Variants in RNF43 observed in about 807,000 individuals in gnomAD.
RNF43 encodes E3 ubiquitin-protein ligase RNF43.
A neutral mutation model predicts 78.4 loss-of-function variants in RNF43; 37 were observed. The ratio of observed to expected loss-of-function variants is 0.47; its 90% CI spans 0.36 to 0.62. The LOEUF is 0.62. RNF43 is among the 20% of genes least tolerant of loss of function. The probability of loss-of-function intolerance (pLI) is 0.00; values close to 1 mark genes in which losing one functional copy is unlikely to be tolerated. For synonymous variants in RNF43, 347 were observed against 395.0 expected, an observed-to-expected ratio of 0.88 and a Z score of 1.44; for missense variants, 774 against 1,007.9, an observed-to-expected ratio of 0.77 and a Z score of 3.14.
chr17:58,407,069 ATTT>A (rs35270032), intron 2 of RNF43, among the ~76,000 whole-genome samples: 238 of 74,178 alleles, frequency 3.2e-3, no homozygotes, highest in South Asian at 8.9e-3. Flanking sequence ...AGAGACCAGA[ATTT>A]TTTTTTTTTT....
At position 58,360,297 on chromosome 17, in the gene RNF43, G is replaced by C. The variant is rs1329558724; in HGVS notation, c.850-46C>G. On this transcript the variant is annotated intron_variant, in intron 7 of 9. Coordinates refer to ENST00000407977, the MANE Select transcript of RNF43 (RefSeq NM_017763.6). This position sits in a 1 kb window ranked among gnomAD's most constrained non-coding sequence, Gnocchi z 4.3. ...CAAACCAAAGGCTTCTGTAGCCATA[G>C]GAATTGCCAGGAATCAGGACATCCC... The C allele has an allele frequency of 7.0e-7, 1 of 1,430,398 alleles. No homozygotes were observed. Among genetic ancestry groups the C allele is most frequent in the Admixed American group, 1.7e-5 (1 of 59,314 alleles). The allele number at this position is 1,430,398 out of a possible 1,614,324, so 88.6% of individuals were successfully genotyped here. A position where few individuals can be genotyped will look rare whatever the true frequency, so the allele number is the denominator to read the frequency against.
At chr17:58,391,832 C>T (rs1390802592) in intron 2 of RNF43, among the ~76,000 whole-genome samples, 1 of 152,126 alleles carries the variant, frequency 6.6e-6, no homozygotes, top group Non-Finnish European at 1.5e-5. Context: ...GTCAGAGGAT[C>T]AGCATGAATT....
downstream of RNF43, chr17:58,353,602 T>G (rs1972613773): frequency 9.6e-6 from 2 of 207,974 alleles, no homozygotes; most frequent in Non-Finnish European, 2.0e-5. Flanking sequence ...TTTACTTCTC[T>G]TGATGTAGAA....
Position 58,357,719 on chromosome 17 carries a change from G to T in RNF43, c.2057C>A (p.Pro686His), listed in dbSNP as rs9652855. 6.2e-7 allele frequency: 1 copy of T among 1,611,518 alleles called. No individual in the cohort carries two copies. The highest frequency in any genetic ancestry group is 8.5e-7 in the Non-Finnish European group (1 of 1,178,622). Residue 686 changes from proline (P) to histidine (H), a missense_variant, in exon 9 of 10, where the codon CCC (proline) becomes CAC (histidine). By Grantham distance (77) the Pro-to-His change is moderately conservative. Coordinates refer to ENST00000407977, the MANE Select transcript of RNF43 (RefSeq NM_017763.6). The surrounding 1 kb of genome is among the most constrained non-coding windows in gnomAD (Gnocchi z 4.5). ...TGGGGACCAAGGATATGCCACACTG[G>T]GGGTGTAATGGGGAAAAATCTGGCA... ...PACQIFPHYT[P>H]SVAYPWSPEA... is the part of the protein sequence containing the mutation.
chr17:58,361,445 A>G (rs1281207793), intron 6 of RNF43, among the ~76,000 whole-genome samples: 2 of 152,062 alleles, frequency 1.3e-5, no homozygotes, highest in Non-Finnish European at 2.9e-5. Context: ...GAGCCTAACT[A>G]TTGCTCACCA....
At chr17:58,353,343 T>C (rs1314735794), downstream of RNF43, 1 of 207,840 alleles carries the variant, frequency 4.8e-6, no homozygotes, top group African/African-American at 2.3e-5. Flanking sequence ...AGTAGGCCCA[T>C]TTTATGGACT....
At chr17:58,404,233 C>A (rs1189271061) in intron 2 of RNF43, among the ~76,000 whole-genome samples, 1 of 152,082 alleles carries the variant, frequency 6.6e-6, no homozygotes, top group African/African-American at 2.4e-5. Context: ...TGATGTCCAA[C>A]AACTAAGGAC....
At chr17:58,385,698 C>T (rs556876894) in intron 2 of RNF43, among the ~76,000 whole-genome samples, 10 of 152,274 alleles carry the variant, frequency 6.6e-5, no homozygotes, top group East Asian at 1.9e-4. Flanking sequence ...ATCAAGGCCT[C>T]GGTGCTCTGT....
chr17:58,360,750 G>C lies in RNF43; in HGVS notation c.849+33C>G, dbSNP rs2143443939. Reference sequence around the variant, plus strand: ...CCCCCAGCTTCAATCTCCCCAGTCTGGTCATGGAGGTGAACCACAAGACCT... The same window carrying C: ...CCCCCAGCTTCAATCTCCCCAGTCTCGTCATGGAGGTGAACCACAAGACCT... On this transcript the variant is annotated intron_variant, in intron 7 of 9. Transcript: ENST00000407977. The surrounding 1 kb of genome is among the most constrained non-coding windows in gnomAD (Gnocchi z 4.3). 6.3e-7 allele frequency: 1 copy of C among 1,584,156 alleles called. No homozygotes were observed. Among genetic ancestry groups the C allele is most frequent in the African/African-American group, 1.3e-5 (1 of 74,276 alleles).
downstream of RNF43, chr17:58,353,595 A>ACTTCTCTT (rs1285825140): frequency 4.8e-6 from 1 of 207,596 alleles, no homozygotes; most frequent in African/African-American, 2.3e-5. Flanking sequence ...TAAATAATTT[A>ACTTCTCTT]CTTCTCTTGA....
intron 2 of RNF43, among the ~76,000 whole-genome samples, chr17:58,379,085 C>G (rs542886643): frequency 5.3e-5 from 8 of 152,198 alleles, no homozygotes; most frequent in Admixed American, 2.0e-4. Context: ...AGTCAACACC[C>G]AGTTAAAGGA....
At chr17:58,406,618 T>A (rs1410901465) in intron 2 of RNF43, among the ~76,000 whole-genome samples, 1 of 152,160 alleles carries the variant, frequency 6.6e-6, no homozygotes, top group Non-Finnish European at 1.5e-5. Flanking sequence ...ATCATCAATA[T>A]AATTCCAGGT....
chr17:58,400,347 T>TAA lies in RNF43; in HGVS notation c.252+14978_252+14979insTT, dbSNP rs1973771167. ...TAAAAATACAAACAGTCTTGCTTAG[T>TAA]TATGTTAAGCTGATGCCAAATTGAA... is the stretch of plus-strand genomic sequence containing the variant. On this transcript the variant is annotated intron_variant, in intron 2 of 9. Coordinates refer to ENST00000407977, the MANE Select transcript of RNF43 (RefSeq NM_017763.6). 2.0e-5 allele frequency among the ~76,000 whole-genome samples: 3 copies of TAA among 152,352 alleles called. No individual in the cohort carries two copies. The South Asian group carries it at 6.2e-4, about 32-fold the overall frequency.
intron 2 of RNF43, among the ~76,000 whole-genome samples, chr17:58,412,188 A>G (rs1314985284): frequency 6.6e-6 from 1 of 152,186 alleles, no homozygotes; most frequent in Non-Finnish European, 1.5e-5. Flanking sequence ...AGAGACAAAT[A>G]TTTTGGCAAA....
At chr17:58,396,134 AG>A (rs1973675153) in intron 2 of RNF43, among the ~76,000 whole-genome samples, 1 of 152,210 alleles carries the variant, frequency 6.6e-6, no homozygotes, top group Admixed American at 6.5e-5. Context: ...ATGACATAGG[AG>A]GGAACAGGCC....
intron 2 of RNF43, chr17:58,402,835 G>C (rs925972714): frequency 6.6e-6 from 1 of 152,166 alleles, no homozygotes; most frequent in African/African-American, 2.4e-5. Context: ...CAGGCCCTCA[G>C]GGTGCTGAGG....
chr17:58,367,136 G>C (rs1389911344), intron 3 of RNF43, among the ~76,000 whole-genome samples: 1 of 152,012 alleles, frequency 6.6e-6, no homozygotes, highest in Non-Finnish European at 1.5e-5. Context: ...CAGTAGCTGG[G>C]ACTACAGGTG....
In RNF43 at chr17:58,354,827, G is replaced by A. The variant is rs1004629280; in HGVS notation, c.*116C>T. ...CTCTTCCAGTGCTTCTAGGAAGTAC[G>A]GCAAAAAGAATGGTGTTTGCTGTGG... On this transcript the variant is annotated 3_prime_UTR_variant, in exon 10 of 10. Transcript: ENST00000407977. The A allele has an allele frequency of 3.6e-5, 34 of 951,632 alleles. No homozygotes were observed. Among genetic ancestry groups the A allele is most frequent in the Non-Finnish European group, 5.6e-5 (33 of 588,270 alleles). The allele number at this position is 951,632 out of a possible 1,614,324, so 58.9% of individuals were successfully genotyped here.
chr17:58,385,248 T>G (rs748829588), intron 2 of RNF43, among the ~76,000 whole-genome samples: 1 of 152,342 alleles, frequency 6.6e-6, no homozygotes, highest in East Asian at 1.9e-4. Context: ...AATTATGATT[T>G]CCAAATTGGT....
Sources: allele counts gnomAD v4.1 joint callset (sites outside exome capture counted in the v4.1 genomes callset), GRCh38; gene constraint gnomAD v4.1.1; non-coding constraint Gnocchi (gnomAD v3.1); transcripts MANE v1.5; gene names NCBI Gene and HGNC (gene_info 2026-07-23, HGNC 2026-07-21).